The following EP400 variants were observed in gnomAD, a reference collection of about 807,000 sequenced individuals.
The protein encoded by EP400 is E1A-binding protein p400.
In EP400, 105 loss-of-function variants were observed where a neutral mutation model predicts 354.1. The observed-to-expected ratio is 0.30, with a 90% CI of 0.25 to 0.35. The LOEUF (loss-of-function observed/expected upper bound fraction) is 0.35. EP400 is among the 10% of genes least tolerant of loss of function. EP400 has a pLI of 1.00. For synonymous variants in EP400, 1,646 were observed against 1,716.9 expected, an observed-to-expected ratio of 0.96 and a Z score of 1.02; for missense variants, 3,280 against 4,121.0, an observed-to-expected ratio of 0.80 and a Z score of 5.59.
At position 131,961,751 on chromosome 12, in the gene EP400, G is replaced by T; in HGVS notation, c.1132G>T (p.Ala378Ser). Residue 378 changes from alanine to serine, a missense_variant, in exon 2 of 53, where the codon GCT becomes TCT. This residue lies in a region of EP400 where 85 missense variants were observed against 180.3 expected (regional missense o/e 0.47). Coordinates refer to ENST00000389561, the MANE Select transcript of EP400 (RefSeq NM_015409.5). Reference protein sequence around the residue: ...CLDYHYQEMQALKEVFKEYLI... With the variant: ...CLDYHYQEMQSLKEVFKEYLI... ...GGACTATCATTACCAGGAGATGCAG[G>T]CTCTGAAGGAGGTCTTCAAGGAGTA... 5.6e-6 allele frequency: 9 copies of T among 1,614,268 alleles called. No homozygotes were observed. The highest frequency in any genetic ancestry group is 7.6e-6 in the Non-Finnish European group (9 of 1,180,044).
chr12:132,003,579 T>G (rs1168657381), intron 12 of EP400, among the ~76,000 whole-genome samples: 3 of 152,352 alleles, frequency 2.0e-5, no homozygotes, highest in African/African-American at 7.2e-5. Context: ...TTGTTTGTTC[T>G]GAGACACCTT....
rs188925749 is a variant in EP400 at position 132,065,011 on chromosome 12, G to A, written c.8553+125G>A. 853 of 1,453,048 alleles carry A rather than the reference G, an allele frequency of 5.9e-4. 4 individuals are homozygous for A. The highest frequency in any genetic ancestry group is 1.2e-3 in the South Asian group (90 of 72,068). The allele number at this position is 1,453,048 out of a possible 1,614,324, so 90.0% of individuals were successfully genotyped here. A position where few individuals can be genotyped will look rare whatever the true frequency, so the allele number is the denominator to read the frequency against. On this transcript the variant is annotated intron_variant, in intron 48 of 52. Transcript: ENST00000389561. ...GAGTGTGAGACGGGTTCTTTTCCCC[G>A]AGAACTTAGTACCCCTTGGACAGAG...
At chr12:131,965,807 A>T (rs1442283669) in intron 2 of EP400, among the ~76,000 whole-genome samples, 1 of 152,042 alleles carries the variant, frequency 6.6e-6, no homozygotes, top group Non-Finnish European at 1.5e-5. Context: ...TGTTCTTTTT[A>T]TTGCTGAGTG....
chr12:132,014,813 T>C (rs942601921), intron 19 of EP400, among the ~76,000 whole-genome samples: 3 of 152,196 alleles, frequency 2.0e-5, no homozygotes, highest in Admixed American at 6.5e-5. Context: ...GATGAGGTGC[T>C]GTGGCGGGAG....
At position 132,062,545 on chromosome 12, in the gene EP400, A is replaced by AGCAGCAG; in HGVS notation, c.8178_8179insGCAGCAG (p.Gln2727AlafsTer258). 9.2e-6 allele frequency: 12 copies of AGCAGCAG among 1,299,616 alleles called. No individual in the cohort carries two copies. In the South Asian group the frequency reaches 1.5e-4, roughly 17 times the overall value. 80.5% of individuals were successfully genotyped at this position (1,299,616 alleles called of 1,614,324 possible). A position where few individuals can be genotyped will look rare whatever the true frequency, so the allele number is the denominator to read the frequency against. The stretch of plus-strand genomic sequence containing the variant: ...TCAGGCAGCAGCAGCAGCAGCAGCA[A>AGCAGCAG]CAACAGCAGCAGCAGCAGCAGCAGC... On this transcript the variant is annotated frameshift_variant, in exon 47 of 53. Coordinates refer to ENST00000389561, the MANE Select transcript of EP400 (RefSeq NM_015409.5). LOFTEE classifies it high-confidence loss of function.
intron 43 of EP400, among the ~76,000 whole-genome samples, chr12:132,053,812 C>T (rs927933424): frequency 6.6e-6 from 1 of 152,206 alleles, no homozygotes; most frequent in African/African-American, 2.4e-5. Context: ...TCCTCCAGGG[C>T]TTTTGTGGGC....
chr12:131,975,616 G>A (rs1892447360), intron 2 of EP400, among the ~76,000 whole-genome samples: 1 of 151,882 alleles, frequency 6.6e-6, no homozygotes, highest in South Asian at 2.1e-4. Flanking sequence ...CTGGAGTGTG[G>A]TGGCGTTCTT....
rs886382555 is a variant in EP400 at position 131,970,711 on chromosome 12, CT to C, written c.1335+8765del. The stretch of plus-strand genomic sequence containing the variant: ...CACAGGTGGTGACACTGTGAGGAAA[CT>C]TTTTTTTCTTTTGGTTTTTGCTTTA... On this transcript the variant is annotated intron_variant, in intron 2 of 52. Coordinates refer to ENST00000389561, the MANE Select transcript of EP400 (RefSeq NM_015409.5). Among the ~76,000 whole-genome samples, 116 of 152,196 alleles carry C rather than the reference CT, an allele frequency of 7.6e-4. No individual in the cohort carries two copies. In the Middle Eastern group the frequency reaches 0.014, roughly 18 times the overall value.
intron 19 of EP400, among the ~76,000 whole-genome samples, chr12:132,014,454 GAC>G (rs1401842500): frequency 6.6e-6 from 1 of 152,214 alleles, no homozygotes; most frequent in African/African-American, 2.4e-5. Flanking sequence ...CCTTTGAGTT[GAC>G]ACAGAGTGTG....
chr12:131,961,018 C>T lies in EP400; in HGVS notation c.399C>T (p.Thr133=). The T allele has an allele frequency of 6.3e-7, 1 of 1,599,822 alleles. No individual in the cohort carries two copies. The highest frequency in any genetic ancestry group is 8.5e-7 in the Non-Finnish European group (1 of 1,173,570). Reference sequence around the variant, plus strand: ...CCCCCTTGTCCCAGCAGGTCCAGACCCAGAGTCCCACGCAGCCCAGTCCGG... The same window carrying T: ...CCCCCTTGTCCCAGCAGGTCCAGACTCAGAGTCCCACGCAGCCCAGTCCGG... ...VTSPLSQQVQ[T]QSPTQPSPGP... The change falls in exon 2 of 53, where the codon ACC becomes ACT. Residue 133 remains threonine, a synonymous_variant. Coordinates refer to ENST00000389561, the MANE Select transcript of EP400 (RefSeq NM_015409.5).
rs144488168 is a variant in EP400, at chr12:132,052,878, G to C, written c.7395-268G>C. ...GAGGTGGGCTGTGCGTTTGGGGGCT[G>C]CCACAAGTACGCTGGGGACGTGTTC... is the stretch of plus-strand genomic sequence containing the variant. On this transcript the variant is annotated intron_variant, in intron 41 of 52. Transcript: ENST00000389561. The surrounding 1 kb of genome is among the most constrained non-coding windows in gnomAD (Gnocchi z 4.4). Among the ~76,000 whole-genome samples the C allele has an allele frequency of 6.6e-6, 1 of 152,156 alleles. No individual in the cohort carries two copies. The highest frequency in any genetic ancestry group is 2.4e-5 in the African/African-American group (1 of 41,440).
chr12:131,995,671 T>G (rs933521764), intron 12 of EP400, among the ~76,000 whole-genome samples: 3 of 148,746 alleles, frequency 2.0e-5, no homozygotes, highest in African/African-American at 7.5e-5. Flanking sequence ...TGTGAGAACT[T>G]CACGTGAATG....
intron 3 of EP400, among the ~76,000 whole-genome samples, chr12:131,980,635 T>C (rs1892649103): frequency 2.0e-5 from 3 of 152,164 alleles, no homozygotes. Context: ...AGCCTCTACC[T>C]CCCAGGCTTG....
rs1451868453 is a variant in EP400, at chr12:132,062,285, A to C, written c.8060A>C (p.Gln2687Pro). The C allele has an allele frequency of 6.2e-7, 1 of 1,614,102 alleles. No homozygotes were observed. Among genetic ancestry groups the C allele is most frequent in the Non-Finnish European group, 8.5e-7 (1 of 1,180,054 alleles). Reference sequence around the variant, plus strand: ...GTCACTACCAACCTGACCCCAGTGCAGACCCCGGCACGGTCTTTGGTGCCC... The same window carrying C: ...GTCACTACCAACCTGACCCCAGTGCCGACCCCGGCACGGTCTTTGGTGCCC... ...AVVTTNLTPV[Q>P]TPARSLVPQV... Residue 2687 changes from glutamine (Q) to proline (P), a missense_variant, in exon 46 of 53, where the codon CAG (glutamine) becomes CCG (proline). Around this residue, in one of 20 missense-constraint regions of EP400, gnomAD observed 255 missense variants for 295.9 expected, o/e 0.86. Coordinates refer to ENST00000389561, the MANE Select transcript of EP400 (RefSeq NM_015409.5).
At chr12:132,015,822 G>A (rs1040152491) in intron 19 of EP400, among the ~76,000 whole-genome samples, 3 of 152,152 alleles carry the variant, frequency 2.0e-5, no homozygotes, top group Non-Finnish European at 2.9e-5. Flanking sequence ...GTGTTTGGGC[G>A]CTGTCTGGTG....
chr12:132,004,575 C>CT (rs1893520043), intron 12 of EP400, among the ~76,000 whole-genome samples: 1 of 151,990 alleles, frequency 6.6e-6, no homozygotes, highest in Non-Finnish European at 1.5e-5. Context: ...ATTTATTAGT[C>CT]TATACTGTTA....
chr12:132,043,749 T>G, intron 34 of EP400, 21 bp downstream of exon 34: 2 of 1,581,216 alleles, frequency 1.3e-6, no homozygotes, highest in Non-Finnish European at 1.7e-6. Flanking sequence ...CAACTTTTGG[T>G]CAGTGAAAAA....
rs890476347 is a variant in EP400 at position 132,067,175 on chromosome 12, C to T, written c.8750-187C>T. ...TGAACTGTTAACATTCTGAAATTTC[C>T]GTCTTAATTTAAGTGTAATTTGTGA... is the stretch of plus-strand genomic sequence containing the variant. On this transcript the variant is annotated intron_variant, in intron 49 of 52. Transcript: ENST00000389561. This position sits in a 1 kb window ranked among gnomAD's most constrained non-coding sequence, Gnocchi z 5.3. The T allele has an allele frequency of 3.4e-5, 40 of 1,164,150 alleles. No individual in the cohort carries two copies. In the Admixed American group the frequency reaches 3.6e-4, roughly 11 times the overall value. 72.1% of individuals were successfully genotyped at this position (1,164,150 alleles called of 1,614,324 possible).
intron 12 of EP400, among the ~76,000 whole-genome samples, chr12:132,004,316 T>G (rs1281479716): frequency 6.6e-6 from 1 of 152,216 alleles, no homozygotes; most frequent in Non-Finnish European, 1.5e-5. Flanking sequence ...GAAAAAACAT[T>G]TTATTGCCCT....
Sources: allele counts gnomAD v4.1 joint callset (sites outside exome capture counted in the v4.1 genomes callset), GRCh38; gene constraint gnomAD v4.1.1; regional missense constraint gnomAD v4.1.1; non-coding constraint Gnocchi (gnomAD v3.1); transcripts MANE v1.5; gene names NCBI Gene and HGNC (gene_info 2026-07-23, HGNC 2026-07-21).